HDAC9: variants seen among roughly 807,000 people sequenced by gnomAD.
HDAC9 encodes histone deacetylase 9, also known as MEF-2 interacting transcription repressor (MITR) protein.
In HDAC9, 41 loss-of-function variants were observed where a neutral mutation model predicts 139.4. That is an observed-to-expected ratio of 0.29 (90% CI 0.23 to 0.38). The LOEUF (loss-of-function observed/expected upper bound fraction) is 0.38. Among genes scored for constraint, HDAC9 ranks in the 10% least tolerant of loss-of-function variants. The probability of loss-of-function intolerance (pLI) is 1.00; values close to 1 mark genes in which losing one functional copy is unlikely to be tolerated. For missense variants in HDAC9, 1,147 were observed against 1,297.0 expected, an observed-to-expected ratio of 0.88 and a Z score of 1.78; for synonymous variants, 517 against 476.2, an observed-to-expected ratio of 1.09 and a Z score of -1.12.
chr7:18,544,399 A>T (rs1015991506), intron 2 of HDAC9, among the ~76,000 whole-genome samples: 1 of 152,228 alleles, frequency 6.6e-6, no homozygotes, highest in Non-Finnish European at 1.5e-5. Context: ...ATGTTAATAG[A>T]TTCTGGCTGT....
intron 13 of HDAC9, among the ~76,000 whole-genome samples, chr7:18,737,952 G>A (rs1042103336): frequency 6.6e-6 from 1 of 152,154 alleles, no homozygotes; most frequent in East Asian, 1.9e-4. Context: ...CCTGCATTGG[G>A]TGCATATATC....
At chr7:18,938,187 C>T (rs532206750) in intron 23 of HDAC9, among the ~76,000 whole-genome samples, 1 of 148,076 alleles carries the variant, frequency 6.8e-6, no homozygotes, top group South Asian at 2.1e-4. Context: ...GCCGAGATCC[C>T]GCCACTGCAC....
intron 25 of HDAC9, among the ~76,000 whole-genome samples, chr7:18,978,686 A>C (rs533017608): frequency 6.6e-6 from 1 of 152,332 alleles, no homozygotes; most frequent in South Asian, 2.1e-4. Context: ...ACTTAGAAGC[A>C]AGAAGTTTTC....
At chr7:18,804,454 C>G (rs535183203) in intron 17 of HDAC9, among the ~76,000 whole-genome samples, 2 of 152,132 alleles carry the variant, frequency 1.3e-5, no homozygotes, top group African/African-American at 2.4e-5. Flanking sequence ...GGGTCTATTT[C>G]TAATAGGGCA....
At chr7:18,550,723 T>C (rs1012782765) in intron 2 of HDAC9, among the ~76,000 whole-genome samples, 6 of 152,108 alleles carry the variant, frequency 3.9e-5, no homozygotes, top group African/African-American at 1.4e-4. Context: ...GGCACTAGGA[T>C]GTGAGATGCC....
intron 16 of HDAC9, among the ~76,000 whole-genome samples, chr7:18,792,216 T>G (rs1451408716): frequency 2.0e-5 from 3 of 151,856 alleles, no homozygotes; most frequent in Non-Finnish European, 4.4e-5. Flanking sequence ...TATTATTTAT[T>G]GTATTTGTTC....
At chr7:18,652,277 A>G (rs1419054200) in intron 11 of HDAC9, among the ~76,000 whole-genome samples, 8 of 152,106 alleles carry the variant, frequency 5.3e-5, no homozygotes, top group African/African-American at 1.9e-4. Flanking sequence ...TTGGAGGAAA[A>G]AAGAGTTTCT....
intron 2 of HDAC9, among the ~76,000 whole-genome samples, chr7:18,207,024 C>G (rs932610644): frequency 6.6e-6 from 1 of 151,366 alleles, no homozygotes; most frequent in Non-Finnish European, 1.5e-5. Flanking sequence ...CAACCCCTGC[C>G]TCCTAGGTTC....
chr7:18,820,869 G>A (rs779632719), intron 17 of HDAC9, among the ~76,000 whole-genome samples: 1 of 152,140 alleles, frequency 6.6e-6, no homozygotes, highest in Admixed American at 6.5e-5. Flanking sequence ...AGAAATCGGG[G>A]TTGGCAAATC....
intron 1 of HDAC9, among the ~76,000 whole-genome samples, chr7:18,338,781 A>T (rs1781776058): frequency 6.6e-6 from 1 of 151,510 alleles, no homozygotes; most frequent in South Asian, 2.1e-4. Context: ...CCATATAATA[A>T]ATTGAGAAAG....
chr7:18,649,910 ACTCT>A (rs750725869), intron 11 of HDAC9, among the ~76,000 whole-genome samples: 10 of 151,582 alleles, frequency 6.6e-5, no homozygotes, highest in South Asian at 2.1e-4. Flanking sequence ...GGCAGGGACA[ACTCT>A]CTCTCTAACC....
Position 18,629,396 on chromosome 7 carries a change from G to A in HDAC9, c.711G>A (p.Val237=), listed in dbSNP as rs1363857572. ...TGCGGTCCAGGTTAAAACAGAAAGT[G>A]GCAGAGAGGAGAAGCAGCCCCTTAC... ...LKVRSRLKQK[V]AERRSSPLLR... is the part of the protein sequence containing the mutation. Residue 237 remains valine, a synonymous_variant, in exon 7 of 26, where the codon GTG becomes GTA. Coordinates refer to ENST00000686413, the MANE Select transcript of HDAC9 (RefSeq NM_178425.4). 1 of 1,610,504 alleles carries A rather than the reference G, an allele frequency of 6.2e-7. No individual in the cohort carries two copies. Among genetic ancestry groups the A allele is most frequent in the Admixed American group, 1.7e-5 (1 of 59,662 alleles).
At chr7:18,970,825 T>A (rs982369334) in intron 24 of HDAC9, among the ~76,000 whole-genome samples, 1 of 151,312 alleles carries the variant, frequency 6.6e-6, no homozygotes, top group African/African-American at 2.4e-5. Flanking sequence ...AAAAGCAAAT[T>A]TGAGAAGGAG....
At chr7:18,849,625 G>C (rs573959620) in intron 21 of HDAC9, among the ~76,000 whole-genome samples, 5 of 152,136 alleles carry the variant, frequency 3.3e-5, no homozygotes, top group African/African-American at 1.2e-4. Context: ...CATATAATTG[G>C]TTTTATAGGT....
intron 22 of HDAC9, among the ~76,000 whole-genome samples, chr7:18,927,598 G>C (rs1435663518): frequency 3.9e-5 from 6 of 152,152 alleles, no homozygotes; most frequent in African/African-American, 1.2e-4. Context: ...AATTTCAAAT[G>C]AAAATAGGGC....
At chr7:18,585,181 C>A in intron 2 of HDAC9, 100 bp from the exon 3 acceptor site, 1 of 1,327,926 alleles carries the variant, frequency 7.5e-7, no homozygotes, top group Non-Finnish European at 1.0e-6. Flanking sequence ...ATTTGTTGTA[C>A]AGGGTCTTAT....
At chr7:18,266,963 G>GA (rs5882652) in intron 2 of HDAC9, among the ~76,000 whole-genome samples, 2 of 151,584 alleles carry the variant, frequency 1.3e-5, no homozygotes, top group Admixed American at 6.6e-5. Flanking sequence ...TTCAAACTGA[G>GA]AAAAAAAAAT....
chr7:18,243,462 C>T lies in HDAC9; in HGVS notation c.25+81113C>T, dbSNP rs116767100. 7.0e-3 allele frequency among the ~76,000 whole-genome samples: 1,059 copies of T among 152,286 alleles called. 11 individuals carry two copies. The highest frequency in any genetic ancestry group is 0.024 in the African/African-American group (998 of 41,548). On this transcript the variant is annotated intron_variant, in intron 2 of 12. Coordinates refer to the HDAC9 transcript ENST00000417496. ...GCTTTACCTGGGCATGGAGAAGGCC[C>T]AGTCACACAGTGATGACTTGTAGCC...
chr7:18,614,292 A>G (rs1284208603), intron 6 of HDAC9, among the ~76,000 whole-genome samples: 2 of 152,042 alleles, frequency 1.3e-5, no homozygotes, highest in African/African-American at 2.4e-5. Context: ...TGACCCTCCA[A>G]TCCGCCACAC....
Sources: allele counts gnomAD v4.1 joint callset (sites outside exome capture counted in the v4.1 genomes callset), GRCh38; gene constraint gnomAD v4.1.1; transcripts MANE v1.5; gene names NCBI Gene and HGNC (gene_info 2026-07-23, HGNC 2026-07-21).